Variants in CFAP77 observed in about 807,000 individuals in gnomAD.
The protein encoded by CFAP77 is cilia- and flagella-associated protein 77.
Under a neutral mutation model 31.1 loss-of-function variants are expected in CFAP77, and 25 were observed. That is an observed-to-expected ratio of 0.80 (90% confidence interval 0.59 to 1.12). CFAP77 has a LOEUF of 1.12. Ranked by LOEUF, CFAP77 falls within the 50% of genes most tolerant of loss-of-function variation. CFAP77 has a pLI of 0.00. For synonymous variants in CFAP77, 151 were observed against 159.9 expected (o/e 0.94, Z 0.42); for missense variants, 377 against 397.3 (o/e 0.95, Z 0.44).
At chr9:132,453,483 G>T (rs987573809) in intron 1 of CFAP77, among the ~76,000 whole-genome samples, 9 of 152,202 alleles carry the variant, frequency 5.9e-5, no homozygotes, top group Non-Finnish European at 1.3e-4. Flanking sequence ...CTGAGATCAC[G>T]CCATTGCACT....
At chr9:132,557,149 T>C (rs1852918426) in intron 5 of CFAP77, among the ~76,000 whole-genome samples, 1 of 152,116 alleles carries the variant, frequency 6.6e-6, no homozygotes, top group Admixed American at 6.6e-5. Context: ...AGGGTGTGTG[T>C]TGGGTGCGTG....
At chr9:132,486,020 A>ATATATATGTATG (rs1708640753) in intron 1 of CFAP77, among the ~76,000 whole-genome samples, 3 of 43,066 alleles carry the variant, frequency 7.0e-5, no homozygotes, top group Non-Finnish European at 1.1e-4. Flanking sequence ...ATATATATAT[A>ATATATATGTATG]TATATATATA....
At chr9:132,510,552 C>T (rs563485549) in intron 3 of CFAP77, among the ~76,000 whole-genome samples, 1 of 152,238 alleles carries the variant, frequency 6.6e-6, no homozygotes, top group Non-Finnish European at 1.5e-5. Flanking sequence ...CATCAGCCCA[C>T]ATCCCACTGT....
intron 1 of CFAP77, among the ~76,000 whole-genome samples, chr9:132,435,156 G>T (rs183101526): frequency 9.2e-5 from 14 of 152,248 alleles, no homozygotes; most frequent in Admixed American, 9.2e-4. Flanking sequence ...TAGGAACAGC[G>T]GGAGGGAATG....
At chr9:132,560,385 C>A (rs1490950163) in intron 5 of CFAP77, among the ~76,000 whole-genome samples, 2 of 152,128 alleles carry the variant, frequency 1.3e-5, no homozygotes, top group African/African-American at 4.8e-5. Flanking sequence ...TAGGAGCTGA[C>A]CTGAGGTTTA....
chr9:132,530,136 C>CTTTTTTTTTTTTTTTTTTTTTTTTTT (rs750962954), intron 3 of CFAP77, among the ~76,000 whole-genome samples: 3 of 93,268 alleles, frequency 3.2e-5, no homozygotes, highest in African/African-American at 4.2e-5. Context: ...TCTTTCTTTT[C>CTTTTTTTTTTTTTTTTTTTTTTTTTT]TTTTTTTTTT....
chr9:132,484,749 C>T (rs2118914915), intron 1 of CFAP77, among the ~76,000 whole-genome samples: 1 of 151,582 alleles, frequency 6.6e-6, no homozygotes, highest in East Asian at 1.9e-4. Flanking sequence ...TTTGTGGGTA[C>T]ATAGTAGCTA....
At chr9:132,438,072 G>A (rs55815538) in intron 1 of CFAP77, among the ~76,000 whole-genome samples, 1 of 150,800 alleles carries the variant, frequency 6.6e-6, no homozygotes, top group South Asian at 2.1e-4. Context: ...GGGTGTGGTG[G>A]GCTACTGTAA....
chr9:132,458,357 G>GGGTGGGGTGGGGT (rs139008147), intron 1 of CFAP77, among the ~76,000 whole-genome samples: 1 of 119,046 alleles, frequency 8.4e-6, no homozygotes, highest in African/African-American at 3.2e-5. Context: ...GAGGGGGGGG[G>GGGTGGGGTGGGGT]GTGTGTATGG....
rs1851798201 is a variant in CFAP77, at chr9:132,499,315, C to T, written c.296-57C>T. The T allele has an allele frequency of 2.0e-6, 3 of 1,519,138 alleles. No individual in the cohort carries two copies. The highest frequency in any genetic ancestry group is 2.7e-6 in the Non-Finnish European group (3 of 1,102,242). The allele number at this position is 1,519,138 out of a possible 1,614,324, so 94.1% of individuals were successfully genotyped here. A position where few individuals can be genotyped will look rare whatever the true frequency, so the allele number is the denominator to read the frequency against. On this transcript the variant is annotated intron_variant, in intron 2 of 5. Transcript: ENST00000393216. This position sits in a 1 kb window ranked among gnomAD's most constrained non-coding sequence, Gnocchi z 5.4. ...CCCCCATTTCTTCTCGATCAGCTGCCTCAGGGTGCTTACTCCCAGGCTGAC... is the reference window on the plus strand; with the variant it reads ...CCCCCATTTCTTCTCGATCAGCTGCTTCAGGGTGCTTACTCCCAGGCTGAC...
rs1277790491 is a variant in CFAP77 at position 132,498,672 on chromosome 9, G to C, written c.196-23G>C. 6.3e-7 allele frequency: 1 copy of C among 1,578,920 alleles called. No homozygotes were observed. Among genetic ancestry groups the C allele is most frequent in the East Asian group, 2.2e-5 (1 of 44,558 alleles). On this transcript the variant is annotated intron_variant, in intron 1 of 5. Coordinates refer to ENST00000393216, the MANE Select transcript of CFAP77 (RefSeq NM_001282957.2). This position sits in a 1 kb window ranked among gnomAD's most constrained non-coding sequence, Gnocchi z 4.2. ...GTCTGAGACTCCACTCCTCACCTCT[G>C]CTCTCTGTCCTTCCCCCGACAGGCT...
intron 1 of CFAP77, among the ~76,000 whole-genome samples, chr9:132,494,346 G>A (rs1851702941): frequency 6.6e-6 from 1 of 152,194 alleles, no homozygotes; most frequent in Admixed American, 6.5e-5. Flanking sequence ...ATGGAGGATA[G>A]CACCCTCTCC....
In CFAP77 at chr9:132,502,214, T is replaced by C. The variant is rs376756656; in HGVS notation, c.524+2614T>C. ...TATCTTTCCAATCTCCCCTCTTGCT[T>C]CTCCTGGACTAGGTGCCTTCCTTTG... On this transcript the variant is annotated intron_variant, in intron 3 of 5. Transcript: ENST00000393216. Among the ~76,000 whole-genome samples the C allele has an allele frequency of 9.3e-5, 14 of 150,324 alleles. 1 individual carries two copies. In the East Asian group the frequency reaches 2.8e-3, roughly 30 times the overall value.
intron 1 of CFAP77, among the ~76,000 whole-genome samples, chr9:132,435,628 G>A (rs941922473): frequency 1.3e-5 from 2 of 152,178 alleles, no homozygotes; most frequent in Admixed American, 6.5e-5. Flanking sequence ...CATCGATACC[G>A]AGTGGTGTTT....
chr9:132,554,947 T>C lies in CFAP77; in HGVS notation c.732+11900T>C, dbSNP rs199905958. ...ATGCATCCATCCATCCACCCATCCA[T>C]CCATCCATCCATCCATCCATCCATC... is the stretch of plus-strand genomic sequence containing the variant. On this transcript the variant is annotated intron_variant, in intron 5 of 5. Transcript: ENST00000393216. This position sits in a 1 kb window ranked among gnomAD's most constrained non-coding sequence, Gnocchi z 4.1. Among the ~76,000 whole-genome samples, 5,387 of 92,078 alleles carry C rather than the reference T, an allele frequency of 0.059. 308 individuals are homozygous for C. The highest frequency in any genetic ancestry group is 0.21 in the African/African-American group (4,751 of 22,188). The allele number at this position is 92,078 out of a possible 152,430, so 60.4% of individuals were successfully genotyped here.
intron 1 of CFAP77, among the ~76,000 whole-genome samples, chr9:132,483,128 G>A (rs186242580): frequency 3.6e-4 from 54 of 151,910 alleles, no homozygotes; most frequent in African/African-American, 1.2e-3. Context: ...GAAATTAGCC[G>A]GGCGTGGTGG....
At chr9:132,423,325 G>A (rs903742022) in intron 1 of CFAP77, among the ~76,000 whole-genome samples, 1 of 152,246 alleles carries the variant, frequency 6.6e-6, no homozygotes. Flanking sequence ...GGAGGATGAG[G>A]AAGAGGCTGA....
chr9:132,473,157 AAC>A (rs1298944298), intron 1 of CFAP77, among the ~76,000 whole-genome samples: 1 of 152,152 alleles, frequency 6.6e-6, no homozygotes, highest in Non-Finnish European at 1.5e-5. Context: ...CCAAGAAACT[AAC>A]AGAGTGAGAA....
intron 3 of CFAP77, among the ~76,000 whole-genome samples, chr9:132,532,362 C>A (rs1336637002): frequency 6.6e-6 from 1 of 152,174 alleles, no homozygotes; most frequent in African/African-American, 2.4e-5. Flanking sequence ...TGGAGGAGCC[C>A]GGCAGAGAGC....
Sources: allele counts gnomAD v4.1 joint callset (sites outside exome capture counted in the v4.1 genomes callset), GRCh38; gene constraint gnomAD v4.1.1; non-coding constraint Gnocchi (gnomAD v3.1); transcripts MANE v1.5; gene names NCBI Gene and HGNC (gene_info 2026-07-23, HGNC 2026-07-21).